GRIA4: variants seen among roughly 807,000 people sequenced by gnomAD.
GRIA4 encodes the protein glutamate receptor 4.
A neutral mutation model predicts 104.0 loss-of-function variants in GRIA4; 34 were observed. The ratio of observed to expected loss-of-function variants is 0.33; its 90% CI spans 0.25 to 0.44. The LOEUF (loss-of-function observed/expected upper bound fraction) is 0.44, where lower values mean the gene tolerates loss of function less well. Ranked by LOEUF, GRIA4 falls within the 20% of genes least tolerant of loss-of-function variation. GRIA4 has a pLI of 1.00. For missense variants in GRIA4, 750 were observed against 1,096.5 expected (o/e 0.68, Z 4.46); for synonymous variants, 386 against 381.9 (o/e 1.01, Z -0.13).
At chr11:105,939,350 A>C (rs1288693180) in intron 14 of GRIA4, among the ~76,000 whole-genome samples, 1 of 152,142 alleles carries the variant, frequency 6.6e-6, no homozygotes, top group African/African-American at 2.4e-5. Context: ...AAAATGAGTA[A>C]TTTTTGGCCA....
intron 4 of GRIA4, among the ~76,000 whole-genome samples, chr11:105,767,806 T>G (rs568601271): frequency 6.6e-6 from 1 of 152,240 alleles, no homozygotes; most frequent in African/African-American, 2.4e-5. Context: ...ATTAAAAACC[T>G]CATCCAACTT....
chr11:105,952,922 T>C (rs1403228966), intron 14 of GRIA4, among the ~76,000 whole-genome samples: 1 of 152,228 alleles, frequency 6.6e-6, no homozygotes, highest in Non-Finnish European at 1.5e-5. Flanking sequence ...ATAGGCAAAC[T>C]GGAGTAAAAA....
intron 4 of GRIA4, among the ~76,000 whole-genome samples, chr11:105,766,573 T>G (rs1469981197): frequency 2.0e-5 from 3 of 152,174 alleles, no homozygotes; most frequent in African/African-American, 7.2e-5. Flanking sequence ...TGACTGGGCC[T>G]GTGTATATGG....
At chr11:105,741,558 G>T (rs1458407142) in intron 3 of GRIA4, among the ~76,000 whole-genome samples, 1 of 152,150 alleles carries the variant, frequency 6.6e-6, no homozygotes, top group East Asian at 1.9e-4. Context: ...ACTCTGGAAA[G>T]TATGCTTGTT....
chr11:105,950,249 TC>T (rs1016070060), intron 14 of GRIA4, among the ~76,000 whole-genome samples: 1 of 152,158 alleles, frequency 6.6e-6, no homozygotes, highest in African/African-American at 2.4e-5. Context: ...GATAAAGGCT[TC>T]AACTAAAGTG....
At chr11:105,923,843 TCAAA>T (rs1299061231) in intron 11 of GRIA4, among the ~76,000 whole-genome samples, 10 of 152,178 alleles carry the variant, frequency 6.6e-5, no homozygotes, top group African/African-American at 2.2e-4. Flanking sequence ...GAAAATATCG[TCAAA>T]CAACGGATTT....
chr11:105,682,885 C>T (rs1952755342), intron 3 of GRIA4, among the ~76,000 whole-genome samples: 1 of 152,142 alleles, frequency 6.6e-6, no homozygotes. Context: ...ATGTATACTC[C>T]TGGTGTGAGC....
Position 105,924,524 on chromosome 11 carries a change from A to T in GRIA4, c.1602A>T (p.Pro534=). The change falls in exon 12 of 17, where the codon CCA becomes CCT. Residue 534 remains proline (P), a synonymous_variant. Coordinates refer to ENST00000282499, the MANE Select transcript of GRIA4 (RefSeq NM_000829.4). The stretch of plus-strand genomic sequence containing the variant: ...TCAAAAAGCCTCAGAAATCCAAACC[A>T]GGAGTGTTTTCCTTCTTGGATCCTC... ...IMIKKPQKSK[P]GVFSFLDPLA... is the part of the protein sequence containing the mutation. 6.2e-7 allele frequency: 1 copy of T among 1,613,396 alleles called. No individual in the cohort carries two copies. Among genetic ancestry groups the T allele is most frequent in the Admixed American group, 1.7e-5 (1 of 59,960 alleles).
At chr11:105,667,219 G>A (rs952489769) in intron 3 of GRIA4, among the ~76,000 whole-genome samples, 7 of 151,944 alleles carry the variant, frequency 4.6e-5, no homozygotes, top group South Asian at 2.1e-4. Flanking sequence ...TACCATTTAC[G>A]AAGATACCCT....
intron 14 of GRIA4, among the ~76,000 whole-genome samples, chr11:105,954,284 C>T (rs538902085): frequency 1.1e-3 from 165 of 151,898 alleles, no homozygotes; most frequent in Non-Finnish European, 1.8e-3. Flanking sequence ...AAGAATAACC[C>T]CTAATTTATA....
At chr11:105,958,722 C>T (rs1049964622) in intron 14 of GRIA4, among the ~76,000 whole-genome samples, 6 of 151,918 alleles carry the variant, frequency 3.9e-5, no homozygotes, top group South Asian at 2.1e-4. Flanking sequence ...TGGTAGAATT[C>T]GGTATGGTTT....
At chr11:105,750,145 T>C (rs1296101956) in intron 3 of GRIA4, among the ~76,000 whole-genome samples, 2 of 152,130 alleles carry the variant, frequency 1.3e-5, no homozygotes, top group Admixed American at 1.3e-4. Context: ...TCAAGAGTGT[T>C]TTCAAAGCTA....
intron 3 of GRIA4, among the ~76,000 whole-genome samples, chr11:105,667,274 A>G (rs1952194570): frequency 2.6e-5 from 4 of 152,028 alleles, no homozygotes. Flanking sequence ...AGGTTATTAT[A>G]TAACTTACTA....
intron 14 of GRIA4, among the ~76,000 whole-genome samples, chr11:105,942,366 G>C (rs905168112): frequency 4.6e-5 from 7 of 152,016 alleles, no homozygotes; most frequent in African/African-American, 1.7e-4. Flanking sequence ...AAAAGATTAT[G>C]CTTAAATTTG....
chr11:105,899,932 C>T (rs1359512457), intron 7 of GRIA4, among the ~76,000 whole-genome samples: 1 of 152,122 alleles, frequency 6.6e-6, no homozygotes, highest in Non-Finnish European at 1.5e-5. Context: ...CACATCAACA[C>T]TATGCTTTTG....
chr11:105,832,152 C>T (rs1943999408), intron 4 of GRIA4, among the ~76,000 whole-genome samples: 1 of 151,828 alleles, frequency 6.6e-6, no homozygotes, highest in South Asian at 2.1e-4. Flanking sequence ...ATGTATGCAA[C>T]CGAAAAGTGA....
chr11:105,948,493 T>C (rs1397416380), intron 14 of GRIA4, among the ~76,000 whole-genome samples: 1 of 151,746 alleles, frequency 6.6e-6, no homozygotes. Context: ...ATAAATGTAA[T>C]TTTTAATTTT....
At chr11:105,966,711 T>C (rs986203761) in intron 14 of GRIA4, among the ~76,000 whole-genome samples, 2 of 149,076 alleles carry the variant, frequency 1.3e-5, no homozygotes, top group African/African-American at 5.0e-5. Context: ...GTTTTTTTTA[T>C]TTCTAAGCAA....
In GRIA4 at chr11:105,753,109, G is replaced by A. The variant is rs558432196; in HGVS notation, c.376G>A (p.Gly126Arg). ...CATCACACCAAGTTTCCCTACTGAG[G>A]GGGAGAGCCAGTTTGTGCTGCAACT... Reference protein sequence around the residue: ...SLITPSFPTEGESQFVLQLRP... With the variant: ...SLITPSFPTERESQFVLQLRP... The change falls in exon 4 of 17, where the codon GGG (glycine) becomes AGG (arginine). Residue 126 changes from glycine (G) to arginine (R), a missense_variant. Coordinates refer to ENST00000282499, the MANE Select transcript of GRIA4 (RefSeq NM_000829.4). The A allele has an allele frequency of 2.1e-5, 34 of 1,613,822 alleles. No homozygotes were observed. In the South Asian group the frequency reaches 3.4e-4, roughly 16 times the overall value.
Sources: gnomAD v4.1 joint callset for allele counts (sites outside exome capture counted in the v4.1 genomes callset) on GRCh38, gnomAD v4.1.1 for gene constraint, MANE v1.5 for transcripts, NCBI Gene and HGNC (gene_info 2026-07-23, HGNC 2026-07-21) for gene names.